HS6ST3: variants seen among roughly 807,000 people sequenced by gnomAD.
The protein encoded by HS6ST3 is heparan-sulfate 6-O-sulfotransferase 3.
In HS6ST3, 12 loss-of-function variants were observed where a neutral mutation model predicts 36.7. The observed-to-expected ratio is 0.33, with a 90% CI of 0.21 to 0.53. HS6ST3 has a LOEUF of 0.53. Among genes scored for constraint, HS6ST3 ranks in the 20% least tolerant of loss-of-function variants. HS6ST3 has a pLI of 0.95. For synonymous variants in HS6ST3, 240 were observed against 257.5 expected (o/e 0.93, Z 0.65); for missense variants, 584 against 640.9 (o/e 0.91, Z 0.96).
At chr13:96,269,523 A>G (rs1039544434) in intron 1 of HS6ST3, among the ~76,000 whole-genome samples, 11 of 152,074 alleles carry the variant, frequency 7.2e-5, no homozygotes, top group Non-Finnish European at 8.8e-5. Flanking sequence ...TGAAACGTGC[A>G]CTTCTGCCTG....
intron 1 of HS6ST3, among the ~76,000 whole-genome samples, chr13:96,297,642 T>C (rs2054861446): frequency 6.6e-6 from 1 of 152,118 alleles, no homozygotes; most frequent in East Asian, 1.9e-4. Context: ...TGCCCAATAA[T>C]CTTTTTTCTA....
intron 1 of HS6ST3, among the ~76,000 whole-genome samples, chr13:96,482,296 T>C (rs541836704): frequency 6.6e-6 from 1 of 152,330 alleles, no homozygotes; most frequent in South Asian, 2.1e-4. Flanking sequence ...ATCTGCTTTC[T>C]TTGCCATAGA....
intron 1 of HS6ST3, among the ~76,000 whole-genome samples, chr13:96,520,586 C>T (rs1304410994): frequency 6.6e-6 from 1 of 152,056 alleles, no homozygotes; most frequent in East Asian, 1.9e-4. Context: ...TTGTAAGTTG[C>T]ATTCCTAGGT....
chr13:96,824,161 A>G (rs1054099592), intron 1 of HS6ST3, among the ~76,000 whole-genome samples: 2 of 152,254 alleles, frequency 1.3e-5, no homozygotes, highest in Non-Finnish European at 2.9e-5. Context: ...GTCAAGATAC[A>G]TGGGTAGTAA....
At chr13:96,276,499 C>T (rs2054749203) in intron 1 of HS6ST3, among the ~76,000 whole-genome samples, 1 of 152,150 alleles carries the variant, frequency 6.6e-6, no homozygotes, top group African/African-American at 2.4e-5. Context: ...TTCTGAAACT[C>T]AGTTTCTTTA....
chr13:96,749,153 C>T (rs1209677929), intron 1 of HS6ST3, among the ~76,000 whole-genome samples: 1 of 152,098 alleles, frequency 6.6e-6, no homozygotes, highest in Non-Finnish European at 1.5e-5. Context: ...GTATTTCCCC[C>T]AGTATCACTG....
At chr13:96,488,476 A>G (rs2055927382) in intron 1 of HS6ST3, among the ~76,000 whole-genome samples, 2 of 152,114 alleles carry the variant, frequency 1.3e-5, no homozygotes, top group Admixed American at 1.3e-4. Context: ...GTGTTCCTGA[A>G]AGTTAGACTG....
chr13:96,294,495 A>G (rs574179933), intron 1 of HS6ST3, among the ~76,000 whole-genome samples: 3 of 152,272 alleles, frequency 2.0e-5, no homozygotes, highest in African/African-American at 4.8e-5. Context: ...CCATAACCAC[A>G]TGTGGCCAGT....
chr13:96,735,041 A>G (rs1246265694), intron 1 of HS6ST3, among the ~76,000 whole-genome samples: 1 of 152,210 alleles, frequency 6.6e-6, no homozygotes, highest in East Asian at 1.9e-4. Flanking sequence ...TTTGACATTT[A>G]TACTCATTCA....
chr13:96,293,239 G>T (rs1036006792), intron 1 of HS6ST3, among the ~76,000 whole-genome samples: 5 of 152,074 alleles, frequency 3.3e-5, no homozygotes, highest in East Asian at 1.9e-4. Flanking sequence ...GAAGGGCAGG[G>T]TTAGCTACTG....
intron 1 of HS6ST3, among the ~76,000 whole-genome samples, chr13:96,335,178 C>A (rs887078867): frequency 2.0e-5 from 3 of 152,058 alleles, no homozygotes; most frequent in African/African-American, 7.2e-5. Context: ...CATCAAAGTC[C>A]ATCCCCAGAA....
At chr13:96,113,182 C>G (rs2053878825) in intron 1 of HS6ST3, among the ~76,000 whole-genome samples, 1 of 152,150 alleles carries the variant, frequency 6.6e-6, no homozygotes, top group Admixed American at 6.5e-5. Flanking sequence ...AACACGGATT[C>G]ACTTAAATTT....
intron 1 of HS6ST3, among the ~76,000 whole-genome samples, chr13:96,750,352 G>A (rs1296490525): frequency 6.6e-6 from 1 of 152,226 alleles, no homozygotes; most frequent in Non-Finnish European, 1.5e-5. Context: ...CCGTGACACT[G>A]AACTGGTGGT....
At chr13:96,532,590 A>C (rs1056350469) in intron 1 of HS6ST3, among the ~76,000 whole-genome samples, 9 of 152,220 alleles carry the variant, frequency 5.9e-5, no homozygotes, top group Non-Finnish European at 1.0e-4. Context: ...GAAGTAAAAA[A>C]TTACTGAAAG....
intron 1 of HS6ST3, among the ~76,000 whole-genome samples, chr13:96,331,332 T>A (rs1240498627): frequency 2.6e-5 from 4 of 151,742 alleles, no homozygotes; most frequent in African/African-American, 7.2e-5. Context: ...TGGTCTTTGA[T>A]GATGGTGATG....
At position 96,573,568 on chromosome 13, in the gene HS6ST3, A is replaced by T. The variant is rs568201713; in HGVS notation, c.708-258922A>T. ...CCTCTGTTGTAGCTGTTCCTCTGGCAATACAAACTTTCTGATTTCAGGGTC... is the reference window on the plus strand; with the variant it reads ...CCTCTGTTGTAGCTGTTCCTCTGGCTATACAAACTTTCTGATTTCAGGGTC... On this transcript the variant is annotated intron_variant, in intron 1 of 1. Transcript: ENST00000376705. 1.5e-5 allele frequency: 3 copies of T among 205,688 alleles called. No individual in the cohort carries two copies. The East Asian group carries it at 5.5e-4, about 38-fold the overall frequency. 12.7% of individuals were successfully genotyped at this position (205,688 alleles called of 1,614,324 possible). A position where few individuals can be genotyped will look rare whatever the true frequency, so the allele number is the denominator to read the frequency against.
At chr13:96,176,341 G>T (rs2139337316) in intron 1 of HS6ST3, among the ~76,000 whole-genome samples, 1 of 152,212 alleles carries the variant, frequency 6.6e-6, no homozygotes, top group East Asian at 1.9e-4. Flanking sequence ...TCAAATATTT[G>T]ATGAGAGGAA....
intron 1 of HS6ST3, among the ~76,000 whole-genome samples, chr13:96,350,172 G>A (rs889474053): frequency 1.3e-5 from 2 of 152,174 alleles, no homozygotes; most frequent in East Asian, 3.8e-4. Flanking sequence ...GCTACATTAA[G>A]CCAGGCTACT....
At chr13:96,801,409 C>T (rs1460353422) in intron 1 of HS6ST3, among the ~76,000 whole-genome samples, 4 of 151,898 alleles carry the variant, frequency 2.6e-5, no homozygotes. Context: ...TCCAATATAC[C>T]GTATGTCTTT....
Sources: allele counts gnomAD v4.1 joint callset (sites outside exome capture counted in the v4.1 genomes callset), GRCh38; gene constraint gnomAD v4.1.1; transcripts MANE v1.5; gene names NCBI Gene and HGNC (gene_info 2026-07-23, HGNC 2026-07-21).